RNGTT: variants seen among roughly 807,000 people sequenced by gnomAD.
RNGTT encodes the protein mRNA-capping enzyme.
RNGTT carries 33 observed loss-of-function variants against 79.3 expected under a neutral mutation model. That is an observed-to-expected ratio of 0.42 (90% CI 0.32 to 0.56). The LOEUF (loss-of-function observed/expected upper bound fraction) is 0.56, where lower values mean the gene tolerates loss of function less well. Among genes scored for constraint, RNGTT ranks in the 20% least tolerant of loss-of-function variants. The pLI, the probability that RNGTT is intolerant of heterozygous loss-of-function variation, is 0.17. For missense variants in RNGTT, 497 were observed against 739.1 expected (o/e 0.67, Z 3.80); for synonymous variants, 222 against 235.9 (o/e 0.94, Z 0.54).
At chr6:88,935,800 T>A (rs1562055252) in intron 2 of RNGTT, among the ~76,000 whole-genome samples, 1 of 152,204 alleles carries the variant, frequency 6.6e-6, no homozygotes, top group Non-Finnish European at 1.5e-5. Flanking sequence ...TTAAATTTAT[T>A]CCTGAGTATT....
rs139871566 is a variant in RNGTT, at chr6:88,766,935, C to T, written c.1439+2839G>A. ...TTCAGAGACATAGCTACTCCCCTTT[C>T]GAACTAGTATAGACATATTTCTTAC... is the stretch of plus-strand genomic sequence containing the variant. On this transcript the variant is annotated intron_variant, in intron 13 of 15. Coordinates refer to ENST00000369485, the MANE Select transcript of RNGTT (RefSeq NM_003800.5). 3.5e-4 allele frequency among the ~76,000 whole-genome samples: 54 copies of T among 152,148 alleles called. No homozygotes were observed. The East Asian group carries it at 8.5e-3, about 24-fold the overall frequency.
intron 12 of RNGTT, among the ~76,000 whole-genome samples, chr6:88,784,638 C>T (rs1458841993): frequency 6.6e-6 from 1 of 152,072 alleles, no homozygotes; most frequent in Non-Finnish European, 1.5e-5. Flanking sequence ...ACTTGGACAA[C>T]AAAAGGAAAA....
At chr6:88,770,306 C>T (rs1018041824) in intron 12 of RNGTT, among the ~76,000 whole-genome samples, 6 of 152,118 alleles carry the variant, frequency 3.9e-5, no homozygotes, top group African/African-American at 1.4e-4. Context: ...AAATTTCTTG[C>T]TACCATTTGC....
intron 13 of RNGTT, among the ~76,000 whole-genome samples, chr6:88,715,437 A>C: frequency 6.6e-6 from 1 of 152,118 alleles, no homozygotes. Context: ...GCTACCAATG[A>C]CTTTCTTCAC....
At chr6:88,725,729 C>A (rs1322432151) in intron 13 of RNGTT, among the ~76,000 whole-genome samples, 1 of 152,116 alleles carries the variant, frequency 6.6e-6, no homozygotes, top group Non-Finnish European at 1.5e-5. Flanking sequence ...CACAAACCTC[C>A]GGTAGTAAGA....
intron 2 of RNGTT, among the ~76,000 whole-genome samples, chr6:88,931,675 A>G (rs1784517652): frequency 6.6e-6 from 1 of 152,232 alleles, no homozygotes; most frequent in Admixed American, 6.5e-5. Context: ...AGAACAGTAT[A>G]CATGGCCATA....
intron 13 of RNGTT, among the ~76,000 whole-genome samples, chr6:88,724,676 T>A (rs369452541): frequency 3.7e-4 from 57 of 152,346 alleles, no homozygotes; most frequent in African/African-American, 1.3e-3. Flanking sequence ...TTTTGAGAAT[T>A]GTCAGGCATG....
At chr6:88,827,400 C>T (rs760205585) in intron 11 of RNGTT, among the ~76,000 whole-genome samples, 5 of 152,170 alleles carry the variant, frequency 3.3e-5, no homozygotes, top group African/African-American at 1.2e-4. Flanking sequence ...ACCTGCAGAC[C>T]GGTAGATTCC....
At chr6:88,894,336 T>A (rs1783153475) in intron 6 of RNGTT, among the ~76,000 whole-genome samples, 1 of 152,190 alleles carries the variant, frequency 6.6e-6, no homozygotes, top group Non-Finnish European at 1.5e-5. Flanking sequence ...AAGATGCTTT[T>A]CATATTTATT....
At chr6:88,865,736 C>G (rs1782147109) in intron 8 of RNGTT, among the ~76,000 whole-genome samples, 1 of 152,036 alleles carries the variant, frequency 6.6e-6, no homozygotes, top group South Asian at 2.1e-4. Context: ...GTTTTCTAAA[C>G]ATTAGAATGA....
At chr6:88,630,784 T>A (rs929544719) in intron 14 of RNGTT, among the ~76,000 whole-genome samples, 13 of 152,164 alleles carry the variant, frequency 8.5e-5, no homozygotes, top group Non-Finnish European at 1.9e-4. Context: ...CATTTCCTTC[T>A]GTGAATTTTG....
intron 12 of RNGTT, among the ~76,000 whole-genome samples, chr6:88,791,330 G>A (rs1271499899): frequency 6.6e-6 from 1 of 151,230 alleles, no homozygotes; most frequent in Non-Finnish European, 1.5e-5. Flanking sequence ...ATAGAGATGG[G>A]GTCTCACTGT....
chr6:88,790,806 T>C (rs1336453447), intron 12 of RNGTT, among the ~76,000 whole-genome samples: 2 of 152,172 alleles, frequency 1.3e-5, no homozygotes, highest in Non-Finnish European at 2.9e-5. Flanking sequence ...GTTGGCAAAT[T>C]TTACTTAAAA....
intron 8 of RNGTT, among the ~76,000 whole-genome samples, chr6:88,856,972 T>C (rs1781865135): frequency 6.6e-6 from 1 of 152,148 alleles, no homozygotes; most frequent in Non-Finnish European, 1.5e-5. Flanking sequence ...TTATATTCAT[T>C]CATTCCCATT....
intron 4 of RNGTT, among the ~76,000 whole-genome samples, chr6:88,921,010 A>G (rs1174148382): frequency 6.6e-6 from 1 of 152,200 alleles, no homozygotes; most frequent in Admixed American, 6.5e-5. Context: ...GTATTACTGT[A>G]GAGACAATAA....
intron 8 of RNGTT, among the ~76,000 whole-genome samples, chr6:88,871,126 A>G (rs368575246): frequency 6.6e-6 from 1 of 152,206 alleles, no homozygotes; most frequent in East Asian, 1.9e-4. Context: ...TCTAGAGTAT[A>G]CAGACCATAG....
intron 13 of RNGTT, among the ~76,000 whole-genome samples, chr6:88,698,235 A>ATC (rs1775797921): frequency 3.4e-5 from 4 of 115,996 alleles, no homozygotes; most frequent in Non-Finnish European, 4.9e-5. Context: ...ATATATATGA[A>ATC]ATATATATAT....
At chr6:88,851,613 T>C (rs1194832575) in intron 9 of RNGTT, among the ~76,000 whole-genome samples, 1 of 152,086 alleles carries the variant, frequency 6.6e-6, no homozygotes, top group African/African-American at 2.4e-5. Flanking sequence ...ATTCCTATTT[T>C]CCACATTTTA....
At position 88,612,771 on chromosome 6, in the gene RNGTT, T is replaced by C; in HGVS notation, c.1742A>G (p.Asp581Gly). 2 of 1,613,444 alleles carry C rather than the reference T, an allele frequency of 1.2e-6. No homozygotes were observed. Among genetic ancestry groups the C allele is most frequent in the South Asian group, 2.2e-5 (2 of 91,040 alleles). ...AGGTGGTGGTGGCATGAGCTCCGTGTCAGGGTCCAGATGATGTTTTCGCTT... is the reference window on the plus strand; with the variant it reads ...AGGTGGTGGTGGCATGAGCTCCGTGCCAGGGTCCAGATGATGTTTTCGCTT... Reference protein sequence around the residue: ...GQKRKHHLDPDTELMPPPPPK... With the variant: ...GQKRKHHLDPGTELMPPPPPK... The change falls in exon 16 of 16, where the codon GAC becomes GGC. Residue 581 changes from aspartate (D) to glycine (G), a missense_variant. By Grantham distance (94) the Asp-to-Gly change is moderately conservative (BLOSUM62 -1). Around this residue, in one of 3 missense-constraint regions of RNGTT, gnomAD observed 53 missense variants for 50.5 expected, o/e 1.05. Transcript: ENST00000369485.
Sources: allele counts gnomAD v4.1 joint callset (sites outside exome capture counted in the v4.1 genomes callset), GRCh38; gene constraint gnomAD v4.1.1; regional missense constraint gnomAD v4.1.1; transcripts MANE v1.5; gene names NCBI Gene and HGNC (gene_info 2026-07-23, HGNC 2026-07-21).